Variants in OSBP2 observed in about 807,000 individuals in gnomAD.
The protein encoded by OSBP2 is oxysterol-binding protein 2.
OSBP2 carries 66 observed loss-of-function variants against 96.0 expected under a neutral mutation model. The ratio of observed to expected loss-of-function variants is 0.69; its 90% CI spans 0.56 to 0.84. OSBP2 has a LOEUF of 0.84. Among genes scored for constraint, OSBP2 ranks in the 40% least tolerant of loss-of-function variants. The pLI, the probability that OSBP2 is intolerant of heterozygous loss-of-function variation, is 0.00. For missense variants in OSBP2, 1,038 were observed against 1,222.7 expected (o/e 0.85, Z 2.25); for synonymous variants, 525 against 520.9 (o/e 1.01, Z -0.11).
At chr22:30,763,636 A>AG (rs1308036272) in intron 2 of OSBP2, among the ~76,000 whole-genome samples, 1 of 116,782 alleles carries the variant, frequency 8.6e-6, no homozygotes, top group East Asian at 2.5e-4. Context: ...ACAGAGTGAC[A>AG]GAAAAAAAAA....
At chr22:30,822,769 G>T in intron 2 of OSBP2, 1 of 1,406,034 alleles carries the variant, frequency 7.1e-7, no homozygotes, top group Non-Finnish European at 9.6e-7. Flanking sequence ...ATGCACGCCC[G>T]GTGCCTGGCT....
chr22:30,703,607 C>T (rs894618524), intron 1 of OSBP2, among the ~76,000 whole-genome samples: 2 of 151,948 alleles, frequency 1.3e-5, no homozygotes, highest in African/African-American at 4.8e-5. Flanking sequence ...TCCCAAGTAG[C>T]TGGGAGTACA....
At chr22:30,806,277 A>G (rs1451172995) in intron 2 of OSBP2, among the ~76,000 whole-genome samples, 2 of 152,294 alleles carry the variant, frequency 1.3e-5, no homozygotes, top group Non-Finnish European at 2.9e-5. Context: ...AGTCACCCCA[A>G]TCTCCAGGCT....
At chr22:30,707,020 T>C (rs755718975) in intron 1 of OSBP2, among the ~76,000 whole-genome samples, 1 of 152,170 alleles carries the variant, frequency 6.6e-6, no homozygotes, top group Non-Finnish European at 1.5e-5. Context: ...CACCGGAACA[T>C]AGGGCCATGT....
intron 3 of OSBP2, among the ~76,000 whole-genome samples, chr22:30,873,765 C>T (rs574764859): frequency 5.3e-5 from 8 of 152,342 alleles, no homozygotes; most frequent in Non-Finnish European, 7.3e-5. Flanking sequence ...CTGATTGAGC[C>T]GGATCGTAGA....
At chr22:30,865,834 G>A (rs1306233380) in intron 2 of OSBP2, among the ~76,000 whole-genome samples, 1 of 152,108 alleles carries the variant, frequency 6.6e-6, no homozygotes, top group Non-Finnish European at 1.5e-5. Context: ...CCAAGGCCAT[G>A]TGGAGTGAGG....
intron 2 of OSBP2, among the ~76,000 whole-genome samples, chr22:30,773,816 G>A (rs1602243733): frequency 2.0e-5 from 3 of 152,222 alleles, no homozygotes; most frequent in Admixed American, 2.0e-4. Flanking sequence ...ACCGAGTGTG[G>A]GAGGCCATGA....
At chr22:30,906,160 C>G in intron 13 of OSBP2, 37 bp from the exon 14 acceptor site, 1 of 1,613,316 alleles carries the variant, frequency 6.2e-7, no homozygotes, top group Non-Finnish European at 8.5e-7. Flanking sequence ...GAGCAGGCCA[C>G]AAGCCCACCC....
intron 2 of OSBP2, among the ~76,000 whole-genome samples, chr22:30,760,074 G>A (rs1301725729): frequency 1.3e-5 from 2 of 151,806 alleles, no homozygotes; most frequent in African/African-American, 4.8e-5. Context: ...CACCATGTTG[G>A]CCAGGGTCAT....
chr22:30,789,275 C>T (rs1014119053), intron 2 of OSBP2, among the ~76,000 whole-genome samples: 7 of 152,176 alleles, frequency 4.6e-5, no homozygotes, highest in East Asian at 1.9e-4. Context: ...GATGCAGCCT[C>T]GAGGTTGTAG....
At chr22:30,790,695 A>G (rs890875427) in intron 2 of OSBP2, among the ~76,000 whole-genome samples, 1 of 151,962 alleles carries the variant, frequency 6.6e-6, no homozygotes, top group African/African-American at 2.4e-5. Context: ...TATAGGTTAA[A>G]GGAAATTTTT....
In OSBP2 at chr22:30,890,666, CAAGGGCACCATGCCAAGCCGGGGCTG is replaced by C; in HGVS notation, c.1624-61_1624-36del. 6.3e-7 allele frequency: 1 copy of C among 1,587,372 alleles called. No homozygotes were observed. The highest frequency in any genetic ancestry group is 8.6e-7 in the Non-Finnish European group (1 of 1,168,322). On this transcript the variant is annotated intron_variant, in intron 7 of 13. Transcript: ENST00000332585. The surrounding 1 kb of genome is among the most constrained non-coding windows in gnomAD (Gnocchi z 4.4). Reference sequence around the variant, plus strand: ...GATGTCCCTGAACATCCGAGAAAAGCAAGGGCACCATGCCAAGCCGGGGCTGGTGCCCAGCCTGACCACCCACCTGT... The same window carrying C: ...GATGTCCCTGAACATCCGAGAAAAGCGTGCCCAGCCTGACCACCCACCTGT...
chr22:30,775,024 C>T (rs942653501), intron 2 of OSBP2, among the ~76,000 whole-genome samples: 1 of 152,160 alleles, frequency 6.6e-6, no homozygotes, highest in South Asian at 2.1e-4. Context: ...TCAGCCCTTC[C>T]TATTTCCCCC....
At chr22:30,822,016 G>A (rs1359087956) in intron 2 of OSBP2, among the ~76,000 whole-genome samples, 3 of 152,248 alleles carry the variant, frequency 2.0e-5, no homozygotes, top group Non-Finnish European at 4.4e-5. Flanking sequence ...AACTAAGGGA[G>A]CCCAGCTCCC....
At chr22:30,784,903 G>T (rs2145814838) in intron 2 of OSBP2, among the ~76,000 whole-genome samples, 1 of 152,042 alleles carries the variant, frequency 6.6e-6, no homozygotes, top group Non-Finnish European at 1.5e-5. Context: ...CTCCTGAGTA[G>T]GTGGGATTAC....
intron 12 of OSBP2, among the ~76,000 whole-genome samples, chr22:30,905,489 G>A (rs952773748): frequency 6.6e-6 from 1 of 151,980 alleles, no homozygotes; most frequent in Non-Finnish European, 1.5e-5. Context: ...GGCAACAAGA[G>A]TGAAACTGTC....
rs557487117 is a variant in OSBP2, at chr22:30,705,163, G to A, written c.644+9610G>A. 2.8e-4 allele frequency among the ~76,000 whole-genome samples: 42 copies of A among 152,262 alleles called. 4 individuals are homozygous for A. Among genetic ancestry groups the A allele is most frequent in the Admixed American group, 1.6e-3 (24 of 15,288 alleles). ...TGGCTCTCCTGGCCCTGTGATTGGC[G>A]GTTGATTGCATCACAGACACTTGTC... On this transcript the variant is annotated intron_variant, in intron 1 of 13. Transcript: ENST00000332585.
intron 12 of OSBP2, chr22:30,902,880 G>A (rs1355309704): frequency 3.5e-6 from 1 of 286,122 alleles, no homozygotes; most frequent in Non-Finnish European, 7.2e-6. Flanking sequence ...TCCCATACCT[G>A]CCACTGGCCT....
intron 1 of OSBP2, among the ~76,000 whole-genome samples, chr22:30,710,831 A>C (rs943880960): frequency 1.8e-4 from 27 of 151,136 alleles, no homozygotes; most frequent in Non-Finnish European, 3.7e-4. Flanking sequence ...GGCTGGTCTC[A>C]AACTCCTGAC....
Sources: gnomAD v4.1 joint callset for allele counts (sites outside exome capture counted in the v4.1 genomes callset) on GRCh38, gnomAD v4.1.1 for gene constraint, Gnocchi (gnomAD v3.1) non-coding constraint, MANE v1.5 for transcripts, NCBI Gene and HGNC (gene_info 2026-07-23, HGNC 2026-07-21) for gene names.